LRPPRC: variants seen among roughly 807,000 people sequenced by gnomAD.
LRPPRC encodes leucine-rich PPR motif-containing protein, mitochondrial.
In LRPPRC, 120 loss-of-function variants were observed where a neutral mutation model predicts 180.3. The observed-to-expected ratio is 0.67, with a 90% CI of 0.57 to 0.77. The LOEUF (loss-of-function observed/expected upper bound fraction) is 0.77. Ranked by LOEUF, LRPPRC falls within the 30% of genes least tolerant of loss-of-function variation. The probability of loss-of-function intolerance (pLI) is 0.00; values close to 1 mark genes in which losing one functional copy is unlikely to be tolerated. For synonymous variants in LRPPRC, 723 were observed against 600.0 expected (o/e 1.21, Z -3.00); for missense variants, 2,012 against 1,657.2 (o/e 1.21, Z -3.72).
rs1670882244 is a variant in LRPPRC at position 43,901,417 on chromosome 2, T to C, written c.3472A>G (p.Ile1158Val). Residue 1158 changes from isoleucine to valine, a missense_variant, in exon 32 of 38, where the codon ATA (isoleucine) becomes GTA (valine). Ile to Val is a conservative substitution (Grantham distance 29). Coordinates refer to ENST00000260665, the MANE Select transcript of LRPPRC (RefSeq NM_133259.4). ...ALAMKGDVEN[I>V]EVVQKMLNGL... ...TTTAACATCTTCTGAACTACTTCTA[T>C]GTTTTCAACATCACCCTTCATGGCC... The C allele has an allele frequency of 6.2e-7, 1 of 1,613,778 alleles. No individual in the cohort carries two copies.
intron 23 of LRPPRC, among the ~76,000 whole-genome samples, chr2:43,943,246 A>G (rs994015631): frequency 1.3e-5 from 2 of 152,030 alleles, no homozygotes; most frequent in Non-Finnish European, 2.9e-5. Flanking sequence ...CTCCTACAAC[A>G]TTTATCAAAG....
At chr2:43,958,972 A>G (rs1033390024) in intron 13 of LRPPRC, 3 of 429,006 alleles carry the variant, frequency 7.0e-6, no homozygotes, top group Non-Finnish European at 1.2e-5. Context: ...TATTCAAAAT[A>G]GTATTCTACA....
rs577477837 is a variant in LRPPRC, at chr2:43,960,691, G to C, written c.1489-57C>G. ...ATCTCAGCTAACAATATTTTGATAA[G>C]CCAAAGATCCTGTTTTCCTGATTAT... On this transcript the variant is annotated intron_variant, in intron 12 of 37. Transcript: ENST00000260665. 6.1e-6 allele frequency: 5 copies of C among 821,944 alleles called. No individual in the cohort carries two copies. In the Admixed American group the frequency reaches 8.5e-5, roughly 14 times the overall value. 50.9% of individuals were successfully genotyped at this position (821,944 alleles called of 1,614,324 possible). A position where few individuals can be genotyped will look rare whatever the true frequency, so the allele number is the denominator to read the frequency against.
chr2:43,932,531 T>C (rs2105056180), intron 25 of LRPPRC, among the ~76,000 whole-genome samples: 1 of 152,316 alleles, frequency 6.6e-6, no homozygotes, highest in Middle Eastern at 3.4e-3. Flanking sequence ...GTGGTTGTAC[T>C]GTGGCAAAGC....
intron 19 of LRPPRC, 88 bp downstream of exon 19, chr2:43,947,643 G>A (rs1448574549): frequency 2.4e-6 from 2 of 843,200 alleles, no homozygotes; most frequent in Non-Finnish European, 4.1e-6. Context: ...AAAATGTGAG[G>A]AATCACTGGT....
At chr2:43,923,411 G>A (rs532367278) in intron 27 of LRPPRC, among the ~76,000 whole-genome samples, 52 of 152,278 alleles carry the variant, frequency 3.4e-4, no homozygotes, top group African/African-American at 1.2e-3. Context: ...AGGATTTCTT[G>A]AGCCCAGGAG....
chr2:43,895,864 A>G (rs1670660773), intron 35 of LRPPRC, among the ~76,000 whole-genome samples: 1 of 152,232 alleles, frequency 6.6e-6, no homozygotes, highest in East Asian at 1.9e-4. Flanking sequence ...TTAATTTTAT[A>G]CTTACAGTTA....
At chr2:43,906,624 A>G (rs1274573138) in intron 30 of LRPPRC, among the ~76,000 whole-genome samples, 1 of 152,180 alleles carries the variant, frequency 6.6e-6, no homozygotes, top group African/African-American at 2.4e-5. Context: ...AAAGGAGCAA[A>G]AGCAATTGCT....
chr2:43,889,087 T>C (rs1027740397), intron 37 of LRPPRC, among the ~76,000 whole-genome samples: 2 of 151,866 alleles, frequency 1.3e-5, no homozygotes, highest in African/African-American at 4.8e-5. Flanking sequence ...GAGGCCGAGG[T>C]GGGCGGATCA....
Position 43,896,486 on chromosome 2 carries a change from C to G in LRPPRC, c.3900+148G>C, listed in dbSNP as rs1197695093. On this transcript the variant is annotated intron_variant, in intron 35 of 37. Transcript: ENST00000260665. ...CCAGTACAGCTAACAGACGACAAAA[C>G]TGACTCTAAGTAGAGACAAGCAAAG... 5 of 632,204 alleles carry G rather than the reference C, an allele frequency of 7.9e-6. No homozygotes were observed. In the East Asian group the frequency reaches 1.4e-4, roughly 18 times the overall value. 39.2% of individuals were successfully genotyped at this position (632,204 alleles called of 1,614,324 possible). A position where few individuals can be genotyped will look rare whatever the true frequency, so the allele number is the denominator to read the frequency against.
intron 23 of LRPPRC, among the ~76,000 whole-genome samples, chr2:43,937,718 C>A (rs1037744596): frequency 2.6e-5 from 4 of 152,158 alleles, no homozygotes; most frequent in African/African-American, 4.8e-5. Context: ...CTAGTTCTAA[C>A]AGGTTCTATG....
intron 3 of LRPPRC, among the ~76,000 whole-genome samples, chr2:43,979,589 T>C (rs1288848620): frequency 2.0e-5 from 3 of 152,196 alleles, no homozygotes; most frequent in Non-Finnish European, 4.4e-5. Flanking sequence ...CCGGCTATTT[T>C]CTTCTTTTTC....
intron 13 of LRPPRC, 77 bp downstream of exon 13, chr2:43,960,464 C>A (rs908138343): frequency 9.6e-6 from 8 of 835,390 alleles, no homozygotes; most frequent in African/African-American, 3.3e-5. Context: ...GCTTTCATTG[C>A]GTGAACCACC....
Position 43,928,201 on chromosome 2 carries a change from G to C in LRPPRC, c.2737-2240C>G, listed in dbSNP as rs528119655. Among the ~76,000 whole-genome samples the C allele has an allele frequency of 6.6e-5, 10 of 152,112 alleles. No homozygotes were observed. The South Asian group carries it at 2.1e-3, about 32-fold the overall frequency. ...TTTCTGCAGTTGCAATTCACTACTA[G>C]GTTTACTTGTATAGGGGAAAAAAAA... On this transcript the variant is annotated intron_variant, in intron 25 of 37. Transcript: ENST00000260665.
chr2:43,938,015 C>T (rs1672335252), intron 23 of LRPPRC, among the ~76,000 whole-genome samples: 1 of 152,100 alleles, frequency 6.6e-6, no homozygotes, highest in African/African-American at 2.4e-5. Context: ...AATGTTGACA[C>T]ATTAATTTTG....
intron 34 of LRPPRC, among the ~76,000 whole-genome samples, chr2:43,897,099 G>GTGTC (rs1670714548): frequency 6.6e-6 from 1 of 152,090 alleles, no homozygotes; most frequent in Non-Finnish European, 1.5e-5. Context: ...ATTTAATAAG[G>GTGTC]TGTCAGGGAG....
chr2:43,959,181 G>A, intron 13 of LRPPRC: 1 of 716,166 alleles, frequency 1.4e-6, no homozygotes, highest in Non-Finnish European at 2.6e-6. Context: ...AGATTCCTCT[G>A]CTAATGCTTC....
Position 43,894,541 on chromosome 2 carries a change from T to G in LRPPRC, c.3985+4A>C. 7.4e-7 allele frequency: 1 copy of G among 1,346,996 alleles called. No homozygotes were observed. The highest frequency in any genetic ancestry group is 1.1e-6 in the Non-Finnish European group (1 of 937,206). The allele number at this position is 1,346,996 out of a possible 1,614,324, so 83.4% of individuals were successfully genotyped here. On this transcript the variant is annotated splice_donor_region_variant and intron_variant, in intron 36 of 37. Coordinates refer to ENST00000260665, the MANE Select transcript of LRPPRC (RefSeq NM_133259.4). Reference sequence around the variant, plus strand: ...ATAATATAGTCAAATTAAACTTATATTACCATAGCTTTTCATGAGGGAATT... The same window carrying G: ...ATAATATAGTCAAATTAAACTTATAGTACCATAGCTTTTCATGAGGGAATT...
intron 11 of LRPPRC, among the ~76,000 whole-genome samples, chr2:43,966,368 C>G (rs1333824875): frequency 6.6e-6 from 1 of 151,336 alleles, no homozygotes; most frequent in Non-Finnish European, 1.5e-5. Context: ...GTACAGAATA[C>G]TTGATATTTG....
Sources: gnomAD v4.1 joint callset for allele counts (sites outside exome capture counted in the v4.1 genomes callset) on GRCh38, gnomAD v4.1.1 for gene constraint, MANE v1.5 for transcripts, NCBI Gene and HGNC (gene_info 2026-07-23, HGNC 2026-07-21) for gene names.